SETD5: variants seen among roughly 807,000 people sequenced by gnomAD.
SETD5 encodes the protein SET domain containing 5, also known as histone-lysine N-methyltransferase SETD5.
SETD5 carries 44 observed loss-of-function variants against 153.3 expected under a neutral mutation model. The ratio of observed to expected loss-of-function variants is 0.29; its 90% CI spans 0.23 to 0.37. The LOEUF is 0.37. Ranked by LOEUF, SETD5 falls within the 10% of genes least tolerant of loss-of-function variation. The pLI, the probability that SETD5 is intolerant of heterozygous loss-of-function variation, is 1.00. For synonymous variants in SETD5, 716 were observed against 645.2 expected (o/e 1.11, Z -1.66); for missense variants, 1,544 against 1,768.0 (o/e 0.87, Z 2.27).
intron 16 of SETD5, among the ~76,000 whole-genome samples, chr3:9,452,571 G>C (rs1347464883): frequency 7.0e-6 from 1 of 142,224 alleles, no homozygotes; most frequent in African/African-American, 2.7e-5. Context: ...TTATATCCTT[G>C]TTCACTCTTC....
chr3:9,441,865 A>T (rs565165690), intron 9 of SETD5, 124 bp downstream of exon 9: 2 of 1,175,662 alleles, frequency 1.7e-6, no homozygotes, highest in East Asian at 4.7e-5. Context: ...AGATAAGCTC[A>T]CACCTGTCTG....
chr3:9,464,060 G>A (rs2044284215), intron 17 of SETD5, among the ~76,000 whole-genome samples: 1 of 152,154 alleles, frequency 6.6e-6, no homozygotes, highest in Non-Finnish European at 1.5e-5. Flanking sequence ...CCCGGGAGAC[G>A]GAGGTTGCAG....
intron 17 of SETD5, among the ~76,000 whole-genome samples, chr3:9,457,504 AC>A (rs1430909647): frequency 6.6e-6 from 1 of 150,944 alleles, no homozygotes; most frequent in African/African-American, 2.4e-5. Context: ...ATATATATAT[AC>A]TAATAATAAT....
At chr3:9,407,864 G>C (rs2035952924) in intron 1 of SETD5, among the ~76,000 whole-genome samples, 1 of 152,242 alleles carries the variant, frequency 6.6e-6, no homozygotes, top group African/African-American at 2.4e-5. Flanking sequence ...GCTGGGCGTG[G>C]TGGCGCATGC....
Position 9,397,684 on chromosome 3 carries a change from C to CT in SETD5, c.-470_-469insT, listed in dbSNP as rs2033895532. The stretch of plus-strand genomic sequence containing the variant: ...CCGCCGCCGCCGCCGCCGCCGCCGC[C>CT]GCTGCCGGGGGAGGGGCGGCCGCCG... On this transcript the variant is annotated 5_prime_UTR_variant, in exon 1 of 23. Transcript: ENST00000402198. The CT allele has an allele frequency of 1.2e-5, 2 of 170,378 alleles. No individual in the cohort carries two copies. Among genetic ancestry groups the CT allele is most frequent in the African/African-American group, 5.0e-5 (2 of 40,084 alleles). The allele number at this position is 170,378 out of a possible 1,614,324, so 10.6% of individuals were successfully genotyped here.
In SETD5 at chr3:9,471,611, G is replaced by C. The variant is rs1575607770; in HGVS notation, c.3195+682G>C. Among the ~76,000 whole-genome samples, 3 of 152,306 alleles carry C rather than the reference G, an allele frequency of 2.0e-5. No individual in the cohort carries two copies. The East Asian group carries it at 5.8e-4, about 29-fold the overall frequency. On this transcript the variant is annotated intron_variant, in intron 19 of 22. Coordinates refer to ENST00000402198, the MANE Select transcript of SETD5 (RefSeq NM_001080517.3). ...CAGGAGGAAAGTGCAGAGAGTGCTGGGCTGGGCCAGGCCATAGAGAGCTTG... is the reference window on the plus strand; with the variant it reads ...CAGGAGGAAAGTGCAGAGAGTGCTGCGCTGGGCCAGGCCATAGAGAGCTTG...
At position 9,464,654 on chromosome 3, in the gene SETD5, C is replaced by T; in HGVS notation, c.2706C>T (p.Asn902=). ...CTCTTACTACTGCTAGTCGCTGCAA[C>T]ACTCCTCTACAGTTTGAGGTGATTT... ...VTSLTTASRC[N]TPLQFELCHR... Residue 902 remains asparagine, a synonymous_variant, in exon 18 of 23, where the codon AAC becomes AAT. Coordinates refer to ENST00000402198, the MANE Select transcript of SETD5 (RefSeq NM_001080517.3). 2 of 1,614,004 alleles carry T rather than the reference C, an allele frequency of 1.2e-6. No individual in the cohort carries two copies. Among genetic ancestry groups the T allele is most frequent in the Non-Finnish European group, 1.7e-6 (2 of 1,179,904 alleles).
At chr3:9,406,413 C>G (rs1303820034) in intron 1 of SETD5, among the ~76,000 whole-genome samples, 1 of 151,518 alleles carries the variant, frequency 6.6e-6, no homozygotes, top group Non-Finnish European at 1.5e-5. Context: ...TGTTTATGCC[C>G]ACAGCCTGAA....
chr3:9,448,507 T>G lies in SETD5; in HGVS notation c.2223T>G (p.Gly741=), dbSNP rs1437965855. The part of the protein sequence containing the change: ...VLATTLNMLP[G]LIHSPLICTT... ...CAACGACCCTAAACATGTTACCAGG[T>G]CTTATCCATTCCCCGTTAATTTGCA... Residue 741 remains glycine (G), a synonymous_variant, in exon 16 of 23, where the codon GGT becomes GGG. Coordinates refer to ENST00000402198, the MANE Select transcript of SETD5 (RefSeq NM_001080517.3). 1 of 1,613,826 alleles carries G rather than the reference T, an allele frequency of 6.2e-7. No homozygotes were observed. The highest frequency in any genetic ancestry group is 1.3e-5 in the African/African-American group (1 of 74,906).
chr3:9,413,796 G>C (rs1050639281), intron 1 of SETD5, among the ~76,000 whole-genome samples: 19 of 151,804 alleles, frequency 1.3e-4, no homozygotes, highest in Non-Finnish European at 2.5e-4. Context: ...TTTTGTTTTT[G>C]AGACGGAGTC....
At chr3:9,469,709 G>A (rs115170834) in intron 18 of SETD5, among the ~76,000 whole-genome samples, 233 of 152,312 alleles carry the variant, frequency 1.5e-3, no homozygotes, top group African/African-American at 5.5e-3. Context: ...CCTAGTGTTG[G>A]AAGTTTGGAG....
intron 2 of SETD5, among the ~76,000 whole-genome samples, chr3:9,427,946 G>A (rs2039504225): frequency 6.6e-6 from 1 of 151,966 alleles, no homozygotes; most frequent in South Asian, 2.1e-4. Context: ...CTGGTTTATG[G>A]TCACCATGTC....
intron 1 of SETD5, among the ~76,000 whole-genome samples, chr3:9,410,060 A>G (rs2036317033): frequency 6.6e-6 from 1 of 152,170 alleles, no homozygotes; most frequent in Admixed American, 6.5e-5. Flanking sequence ...TTTCTGAGAA[A>G]TGTGTTGTCA....
At position 9,465,804 on chromosome 3, in the gene SETD5, G is replaced by A. The variant is rs186884501; in HGVS notation, c.2724+1132G>A. On this transcript the variant is annotated intron_variant, in intron 18 of 22. Coordinates refer to ENST00000402198, the MANE Select transcript of SETD5 (RefSeq NM_001080517.3). ...CCAGATTATTTATGAAATTCTTTCA[G>A]CCAGATAATAAAGCAGCTGATTCAG... Among the ~76,000 whole-genome samples the A allele has an allele frequency of 3.3e-5, 5 of 152,252 alleles. No homozygotes were observed. In the East Asian group the frequency reaches 9.7e-4, roughly 29 times the overall value.
intron 1 of SETD5, among the ~76,000 whole-genome samples, chr3:9,412,410 TTTTTTTTA>T (rs1470408609): frequency 7.0e-6 from 1 of 143,218 alleles, no homozygotes; most frequent in Admixed American, 7.2e-5. Context: ...TTTTTTTTTT[TTTTTTTTA>T]AAGAGACAAG....
chr3:9,432,899 A>G (rs973066198), intron 3 of SETD5, among the ~76,000 whole-genome samples: 3 of 152,218 alleles, frequency 2.0e-5, no homozygotes, highest in Non-Finnish European at 2.9e-5. Flanking sequence ...TCTTTAAAGG[A>G]CTGAATGTCA....
chr3:9,475,322 G>C (rs1041202381), intron 22 of SETD5, 161 bp from the exon 23 acceptor site: 2 of 1,163,880 alleles, frequency 1.7e-6, no homozygotes, highest in African/African-American at 1.6e-5. Flanking sequence ...GCCAGAAGAT[G>C]AATACGGTGA....
intron 17 of SETD5, among the ~76,000 whole-genome samples, chr3:9,458,695 T>C (rs1203172514): frequency 1.1e-4 from 17 of 152,222 alleles, no homozygotes; most frequent in Admixed American, 1.1e-3. Context: ...ATTAGTACAT[T>C]GGGGAAAGGA....
At chr3:9,411,469 T>C (rs1264713503) in intron 1 of SETD5, among the ~76,000 whole-genome samples, 1 of 152,230 alleles carries the variant, frequency 6.6e-6, no homozygotes, top group Non-Finnish European at 1.5e-5. Flanking sequence ...TTCTAATGAC[T>C]AATATAGTCT....
Sources: gnomAD v4.1 joint callset for allele counts (sites outside exome capture counted in the v4.1 genomes callset) on GRCh38, gnomAD v4.1.1 for gene constraint, MANE v1.5 for transcripts, NCBI Gene and HGNC (gene_info 2026-07-23, HGNC 2026-07-21) for gene names.